ITGB1BP1: variants seen among roughly 807,000 people sequenced by gnomAD.
ITGB1BP1 encodes the protein integrin subunit beta 1 binding protein 1.
In ITGB1BP1, 20 loss-of-function variants were observed where a neutral mutation model predicts 28.0. The ratio of observed to expected loss-of-function variants is 0.71; its 90% CI spans 0.50 to 1.04. The LOEUF (loss-of-function observed/expected upper bound fraction) is 1.04. Among genes scored for constraint, ITGB1BP1 ranks in the 50% least tolerant of loss-of-function variants. ITGB1BP1 has a pLI of 0.00. For missense variants in ITGB1BP1, 228 were observed against 242.5 expected (o/e 0.94, Z 0.40); for synonymous variants, 103 against 89.5 (o/e 1.15, Z -0.85).
chr2:9,403,664 C>T lies in ITGB1BP1; in HGVS notation c.*3170G>A, dbSNP rs1321628657. On this transcript the variant is annotated 3_prime_UTR_variant, in exon 7 of 7. Coordinates refer to ENST00000355346, the MANE Select transcript of ITGB1BP1 (RefSeq NM_004763.5). ...GTTTGCATTAATGAATAAATTCTTC[C>T]TGCATTCCTTGGCCCAGTTCTGGAG... The T allele has an allele frequency of 8.5e-6, 2 of 234,058 alleles. No homozygotes were observed. The highest frequency in any genetic ancestry group is 1.7e-5 in the Non-Finnish European group (2 of 119,734). 14.5% of individuals were successfully genotyped at this position (234,058 alleles called of 1,614,324 possible).
intron 2 of ITGB1BP1, among the ~76,000 whole-genome samples, chr2:9,414,543 T>C (rs577870956): frequency 6.6e-6 from 1 of 152,374 alleles, no homozygotes; most frequent in African/African-American, 2.4e-5. Context: ...TACCGCCACC[T>C]CCTTACAAGA....
intron 3 of ITGB1BP1, among the ~76,000 whole-genome samples, chr2:9,412,994 C>T (rs1678644128): frequency 6.6e-6 from 1 of 152,242 alleles, no homozygotes; most frequent in Non-Finnish European, 1.5e-5. Flanking sequence ...GGCAGAAATT[C>T]TCTTAACGTA....
chr2:9,407,898 G>GC (rs1156352117), intron 5 of ITGB1BP1: 1 of 460,754 alleles, frequency 2.2e-6, no homozygotes. Context: ...GTTTGGGGGT[G>GC]GGGGGGGCAG....
chr2:9,408,239 T>A, intron 4 of ITGB1BP1, 34 bp from the exon 5 acceptor site: 1 of 1,244,556 alleles, frequency 8.0e-7, no homozygotes, highest in Non-Finnish European at 1.2e-6. Flanking sequence ...TGATAAAGAT[T>A]AAAATTACAT....
chr2:9,412,554 G>A (rs145351769), intron 3 of ITGB1BP1, 149 bp from the exon 4 acceptor site: 52 of 622,326 alleles, frequency 8.4e-5, no homozygotes, highest in Non-Finnish European at 1.4e-4. Context: ...TATGTAATGG[G>A]GAAGAACTTA....
chr2:9,409,881 G>A (rs1011952568), intron 4 of ITGB1BP1, among the ~76,000 whole-genome samples: 10 of 118,548 alleles, frequency 8.4e-5, no homozygotes, highest in African/African-American at 1.6e-4. Flanking sequence ...TTCTGCTCTT[G>A]TTGCCCAGGC....
At chr2:9,414,872 C>T (rs1353344163) in intron 2 of ITGB1BP1, among the ~76,000 whole-genome samples, 1 of 152,170 alleles carries the variant, frequency 6.6e-6, no homozygotes, top group African/African-American at 2.4e-5. Flanking sequence ...ACCAAAAAAA[C>T]AACAAAACTG....
chr2:9,406,925 G>C lies in ITGB1BP1; in HGVS notation c.532-20C>G, dbSNP rs759657101. On this transcript the variant is annotated intron_variant, in intron 6 of 6. Transcript: ENST00000355346. Reference sequence around the variant, plus strand: ...TTGTTCCTACATTACATGAAAGATAGAGTAAGAGCAACATTCATCTGTCTC... The same window carrying C: ...TTGTTCCTACATTACATGAAAGATACAGTAAGAGCAACATTCATCTGTCTC... 2 of 1,572,762 alleles carry C rather than the reference G, an allele frequency of 1.3e-6. No homozygotes were observed. The highest frequency in any genetic ancestry group is 1.3e-5 in the African/African-American group (1 of 74,202).
intron 1 of ITGB1BP1, among the ~76,000 whole-genome samples, chr2:9,422,023 A>C (rs1679939317): frequency 6.6e-6 from 1 of 152,138 alleles, no homozygotes; most frequent in African/African-American, 2.4e-5. Context: ...ATTTTTTTAG[A>C]AACTGATGAA....
Position 9,406,777 on chromosome 2 carries a change from G to C in ITGB1BP1, c.*57C>G. 9.0e-7 allele frequency: 1 copy of C among 1,109,996 alleles called. No individual in the cohort carries two copies. The highest frequency in any genetic ancestry group is 1.4e-6 in the Non-Finnish European group (1 of 719,314). 68.8% of individuals were successfully genotyped at this position (1,109,996 alleles called of 1,614,324 possible). On this transcript the variant is annotated 3_prime_UTR_variant, in exon 7 of 7. Transcript: ENST00000355346. The stretch of plus-strand genomic sequence containing the variant: ...ATTATTTGCATAACATTTCAGCATT[G>C]CAGTTTGAAAACAGCTGAACTTTCA...
chr2:9,403,516 A>G lies in ITGB1BP1; in HGVS notation c.*3318T>C. The stretch of plus-strand genomic sequence containing the variant: ...ATTGTTTTTATAATTTGTGGTTTTC[A>G]TGAAACATTGCTATGCATTTATTAG... On this transcript the variant is annotated 3_prime_UTR_variant, in exon 7 of 7. Coordinates refer to ENST00000355346, the MANE Select transcript of ITGB1BP1 (RefSeq NM_004763.5). The G allele has an allele frequency of 1.8e-6, 1 of 562,598 alleles. No homozygotes were observed. The highest frequency in any genetic ancestry group is 3.1e-6 in the Non-Finnish European group (1 of 322,942). The allele number at this position is 562,598 out of a possible 1,614,324, so 34.9% of individuals were successfully genotyped here.
chr2:9,408,225 T>G lies in ITGB1BP1; in HGVS notation c.289-20A>C. 7.1e-7 allele frequency: 1 copy of G among 1,406,420 alleles called. No homozygotes were observed. The highest frequency in any genetic ancestry group is 2.3e-5 in the East Asian group (1 of 43,886). The allele number at this position is 1,406,420 out of a possible 1,614,324, so 87.1% of individuals were successfully genotyped here. Reference sequence around the variant, plus strand: ...ATCTTGCTTTAAAGTAAAAATAAATTCCATGATAAAGATTAAAATTACATA... The same window carrying G: ...ATCTTGCTTTAAAGTAAAAATAAATGCCATGATAAAGATTAAAATTACATA... On this transcript the variant is annotated intron_variant, in intron 4 of 6. Coordinates refer to ENST00000355346, the MANE Select transcript of ITGB1BP1 (RefSeq NM_004763.5).
intron 4 of ITGB1BP1, among the ~76,000 whole-genome samples, chr2:9,409,446 C>A (rs572516803): frequency 1.7e-4 from 26 of 152,220 alleles, no homozygotes; most frequent in African/African-American, 6.3e-4. Context: ...AGCAAAAATT[C>A]TATGGTGATA....
rs1677804194 is a variant in ITGB1BP1 at position 9,408,205 on chromosome 2, G to A, written c.289C>T (p.Gln97Ter). 2.6e-6 allele frequency: 4 copies of A among 1,559,278 alleles called. No individual in the cohort carries two copies. The highest frequency in any genetic ancestry group is 4.5e-5 in the East Asian group (2 of 44,606). Residue 97 changes from glutamine (Q) to a stop codon, truncating the protein, a stop_gained and splice_region_variant, in exon 5 of 7, where the codon CAA becomes TAA. Transcript: ENST00000355346. LOFTEE classifies it high-confidence loss of function. ...DLINYIDVAQQDGKLPFVPPE... is the reference protein window; with the variant it reads ...DLINYIDVAQ ...GGAACAAAAGGCAACTTTCCATCTTGCTTTAAAGTAAAAATAAATTCCATG... is the reference window on the plus strand; with the variant it reads ...GGAACAAAAGGCAACTTTCCATCTTACTTTAAAGTAAAAATAAATTCCATG...
At position 9,407,738 on chromosome 2, in the gene ITGB1BP1, A is replaced by T. The variant is rs1677723889; in HGVS notation, c.382-140T>A. 3 of 895,340 alleles carry T rather than the reference A, an allele frequency of 3.4e-6. 1 individual carries two copies. In the African/African-American group the frequency reaches 5.0e-5, roughly 15 times the overall value. 55.5% of individuals were successfully genotyped at this position (895,340 alleles called of 1,614,324 possible). A position where few individuals can be genotyped will look rare whatever the true frequency, so the allele number is the denominator to read the frequency against. ...ACCCCAAGGGATGTCCTGTATGCTC[A>T]GTCTCGGGCAATGCCTTCAGATCCC... is the stretch of plus-strand genomic sequence containing the variant. On this transcript the variant is annotated intron_variant, in intron 5 of 6. Transcript: ENST00000355346.
At chr2:9,413,292 C>CT (rs1371817024) in intron 3 of ITGB1BP1, among the ~76,000 whole-genome samples, 5 of 152,084 alleles carry the variant, frequency 3.3e-5, no homozygotes, top group African/African-American at 1.2e-4. Context: ...CCGCCAGCTA[C>CT]TTAGGGAGCT....
rs563004887 is a variant in ITGB1BP1 at position 9,423,116 on chromosome 2, G to A, written c.-36+257C>T. ...GAAACGGCCCGCGGCCGCCCGCCTTGCCGCCCCTCCGGGGCGACAGCGGCT... is the reference window on the plus strand; with the variant it reads ...GAAACGGCCCGCGGCCGCCCGCCTTACCGCCCCTCCGGGGCGACAGCGGCT... On this transcript the variant is annotated intron_variant, in intron 1 of 6. Transcript: ENST00000355346. 32,050 of 1,011,738 alleles carry A rather than the reference G, an allele frequency of 0.032. 571 individuals carry two copies. Among genetic ancestry groups the A allele is most frequent in the Non-Finnish European group, 0.035 (29,594 of 844,156 alleles). 62.7% of individuals were successfully genotyped at this position (1,011,738 alleles called of 1,614,324 possible).
Position 9,406,861 on chromosome 2 carries a change from G to A in ITGB1BP1, c.576C>T (p.Asp192=). ...AGGGTTTCTCAGATGTTAATACAGA[G>A]TCAAAAGCGGTGGATAAAACCTTGC... The part of the protein sequence containing the change: ...AICKVLSTAF[D]SVLTSEKP The change falls in exon 7 of 7, where the codon GAC becomes GAT. Residue 192 remains aspartate, a synonymous_variant. Coordinates refer to ENST00000355346, the MANE Select transcript of ITGB1BP1 (RefSeq NM_004763.5). 3 of 1,613,196 alleles carry A rather than the reference G, an allele frequency of 1.9e-6. No individual in the cohort carries two copies. Among genetic ancestry groups the A allele is most frequent in the South Asian group, 1.1e-5 (1 of 91,052 alleles).
At chr2:9,408,039 T>C in intron 5 of ITGB1BP1, 74 bp downstream of exon 5, 1 of 832,096 alleles carries the variant, frequency 1.2e-6, no homozygotes, top group South Asian at 1.5e-5. Context: ...TGGCCCTAAT[T>C]ATAAGGGGGC....
Sources: gnomAD v4.1 joint callset for allele counts (sites outside exome capture counted in the v4.1 genomes callset) on GRCh38, gnomAD v4.1.1 for gene constraint, MANE v1.5 for transcripts, NCBI Gene and HGNC (gene_info 2026-07-23, HGNC 2026-07-21) for gene names.